The following ZC3H11A variants were observed in gnomAD, a reference collection of about 807,000 sequenced individuals.
ZC3H11A encodes the protein zinc finger CCCH-type containing 11A.
In ZC3H11A, 22 loss-of-function variants were observed where a neutral mutation model predicts 90.8. The observed-to-expected ratio is 0.24, with a 90% CI of 0.17 to 0.35. The LOEUF is 0.35. ZC3H11A is among the 10% of genes least tolerant of loss of function. The pLI is 1.00. For synonymous variants in ZC3H11A, 294 were observed against 339.8 expected (o/e 0.87, Z 1.48); for missense variants, 701 against 964.9 (o/e 0.73, Z 3.62).
At chr1:203,819,220 CTTTTT>C (rs1158067618) in intron 4 of ZC3H11A, among the ~76,000 whole-genome samples, 19 of 133,790 alleles carry the variant, frequency 1.4e-4, no homozygotes, top group Non-Finnish European at 2.5e-4. Flanking sequence ...TTTTTTCTTT[CTTTTT>C]ATTTTTTTTT....
chr1:203,795,955 CA>C (rs1213409747), intron 1 of ZC3H11A, 161 bp downstream of exon 1: 1 of 151,850 alleles, frequency 6.6e-6, no homozygotes, highest in African/African-American at 2.4e-5. Context: ...CCCTCCCCCC[CA>C]CCTCCCGGTC....
intron 1 of ZC3H11A, chr1:203,799,792 C>G: frequency 8.5e-7 from 1 of 1,173,114 alleles, no homozygotes; most frequent in South Asian, 1.3e-5. Context: ...CTACTAAGTG[C>G]CATGCTTAAA....
intron 4 of ZC3H11A, among the ~76,000 whole-genome samples, chr1:203,827,961 A>G (rs972824360): frequency 6.6e-6 from 1 of 152,262 alleles, no homozygotes; most frequent in Non-Finnish European, 1.5e-5. Flanking sequence ...CACCTGGCCA[A>G]TAAGTAACAT....
rs144962991 is a variant in ZC3H11A at position 203,820,466 on chromosome 1, T to TTGTGTGTGTGTGTGTGTGTGTGTGTGTG, written c.174+1778_174+1779insGTGTGTGTGTGTGTGTGTGTGTGTGTGT. Among the ~76,000 whole-genome samples, 660 of 136,444 alleles carry TTGTGTGTGTGTGTGTGTGTGTGTGTGTG rather than the reference T, an allele frequency of 4.8e-3. 2 individuals are homozygous for TTGTGTGTGTGTGTGTGTGTGTGTGTGTG. Among genetic ancestry groups the TTGTGTGTGTGTGTGTGTGTGTGTGTGTG allele is most frequent in the Middle Eastern group, 0.018 (5 of 284 alleles). The allele number at this position is 136,444 out of a possible 152,430, so 89.5% of individuals were successfully genotyped here. A position where few individuals can be genotyped will look rare whatever the true frequency, so the allele number is the denominator to read the frequency against. On this transcript the variant is annotated intron_variant, in intron 4 of 17. Coordinates refer to ENST00000367210, the MANE Select transcript of ZC3H11A (RefSeq NM_001376342.1). ...ATAGCTTTAGCAGGAATATCACAAA[T>TTGTGTGTGTGTGTGTGTGTGTGTGTGTG]TATGTGTGTGTGTGTGTATATTTTG...
intron 1 of ZC3H11A, chr1:203,797,494 C>A: frequency 6.8e-7 from 1 of 1,460,992 alleles, no homozygotes; most frequent in South Asian, 1.4e-5. Flanking sequence ...CTAACAGATT[C>A]TGGTACGAAT....
chr1:203,808,433 A>G (rs1254819840), intron 2 of ZC3H11A, among the ~76,000 whole-genome samples: 1 of 152,240 alleles, frequency 6.6e-6, no homozygotes, highest in African/African-American at 2.4e-5. Flanking sequence ...ATGTCTTTAA[A>G]GAAAAGTTCT....
intron 1 of ZC3H11A, chr1:203,796,389 C>T (rs940780358): frequency 2.5e-6 from 1 of 398,916 alleles, no homozygotes; most frequent in African/African-American, 2.1e-5. Context: ...TCATTACACT[C>T]CCACCCCTGG....
At chr1:203,842,059 A>T (rs1440822170) in intron 12 of ZC3H11A, among the ~76,000 whole-genome samples, 9 of 135,506 alleles carry the variant, frequency 6.6e-5, no homozygotes, top group Non-Finnish European at 1.1e-4. Context: ...GGGCAGAGAC[A>T]CTCCTCACTT....
chr1:203,831,261 C>T (rs1267640382), intron 8 of ZC3H11A, among the ~76,000 whole-genome samples: 1 of 151,886 alleles, frequency 6.6e-6, no homozygotes, highest in Non-Finnish European at 1.5e-5. Flanking sequence ...TTCTAAAAAC[C>T]TTCTTTTAAG....
chr1:203,811,737 T>C lies in ZC3H11A; in HGVS notation c.-145-5189T>C, dbSNP rs189564063. ...GTTGGCCAGGCTGGTCTTGAACTCTTGACCTCAAATGACTTTTTTTATTAT... is the reference window on the plus strand; with the variant it reads ...GTTGGCCAGGCTGGTCTTGAACTCTCGACCTCAAATGACTTTTTTTATTAT... On this transcript the variant is annotated intron_variant, in intron 2 of 17. Transcript: ENST00000367210. 1.5e-3 allele frequency among the ~76,000 whole-genome samples: 224 copies of C among 152,244 alleles called. 2 individuals carry two copies. The highest frequency in any genetic ancestry group is 5.0e-3 in the African/African-American group (208 of 41,520).
intron 1 of ZC3H11A, chr1:203,797,118 G>C (rs754857976): frequency 6.4e-6 from 1 of 155,856 alleles, no homozygotes; most frequent in Non-Finnish European, 1.4e-5. Flanking sequence ...ATTTTACAAG[G>C]TGAAGGCATT....
At chr1:203,848,556 C>A in intron 14 of ZC3H11A, 149 bp downstream of exon 14, 2 of 664,820 alleles carry the variant, frequency 3.0e-6, no homozygotes, top group Non-Finnish European at 5.0e-6. Context: ...TGAGAATTTC[C>A]TGTAGTTCTA....
chr1:203,805,456 G>A (rs1672001665), intron 2 of ZC3H11A, among the ~76,000 whole-genome samples: 1 of 152,130 alleles, frequency 6.6e-6, no homozygotes, highest in African/African-American at 2.4e-5. Context: ...TACAAAGAAA[G>A]CATTTCCCAA....
intron 4 of ZC3H11A, among the ~76,000 whole-genome samples, chr1:203,824,919 AC>A (rs1242504309): frequency 6.6e-6 from 1 of 152,038 alleles, no homozygotes; most frequent in African/African-American, 2.4e-5. Context: ...TACTAAAAAT[AC>A]AAAAAAATTA....
intron 13 of ZC3H11A, among the ~76,000 whole-genome samples, 192 bp from the exon 14 acceptor site, chr1:203,848,139 T>C (rs1688377994): frequency 6.6e-6 from 1 of 152,212 alleles, no homozygotes; most frequent in Non-Finnish European, 1.5e-5. Flanking sequence ...GTTACAGGTG[T>C]GAGCCACCAT....
rs202003794 is a variant in ZC3H11A, at chr1:203,850,531, C to T, written c.1956C>T (p.Asn652=). 22 of 1,613,908 alleles carry T rather than the reference C, an allele frequency of 1.4e-5. No homozygotes were observed. The highest frequency in any genetic ancestry group is 8.3e-5 in the Admixed American group (5 of 60,004). The change falls in exon 16 of 18, where the codon AAC becomes AAT. Residue 652 remains asparagine, a synonymous_variant. Coordinates refer to ENST00000367210, the MANE Select transcript of ZC3H11A (RefSeq NM_001376342.1). The part of the protein sequence containing the change: ...EKRGKAKPKV[N]VKPSVVKVVS... ...CCTTTGTAGCTAAACCCAAAGTGAA[C>T]GTGAAGCCATCTGTGGTTAAAGTTG...
chr1:203,848,813 G>A (rs2103426687), intron 14 of ZC3H11A, among the ~76,000 whole-genome samples: 1 of 152,150 alleles, frequency 6.6e-6, no homozygotes, highest in African/African-American at 2.4e-5. Context: ...TACAAAAGTT[G>A]GAAATTTTAT....
At chr1:203,800,001 G>A in intron 1 of ZC3H11A, 1 of 1,536,136 alleles carries the variant, frequency 6.5e-7, no homozygotes, top group Non-Finnish European at 8.7e-7. Flanking sequence ...AGTGGGAGCT[G>A]ATTCATTTAC....
intron 9 of ZC3H11A, among the ~76,000 whole-genome samples, 165 bp from the exon 10 acceptor site, chr1:203,833,626 T>G (rs1422561908): frequency 6.7e-6 from 1 of 149,470 alleles, no homozygotes; most frequent in Admixed American, 6.7e-5. Context: ...GGGTTTTTTT[T>G]TTTTTTTTTT....
Sources: allele counts gnomAD v4.1 joint callset (sites outside exome capture counted in the v4.1 genomes callset), GRCh38; gene constraint gnomAD v4.1.1; transcripts MANE v1.5; gene names NCBI Gene and HGNC (gene_info 2026-07-23, HGNC 2026-07-21).